The following UNC5D variants were observed in gnomAD, a reference collection of about 807,000 sequenced individuals.
UNC5D encodes netrin receptor UNC5D.
In UNC5D, 39 loss-of-function variants were observed where a neutral mutation model predicts 105.4. The observed-to-expected ratio is 0.37, with a 90% CI of 0.29 to 0.48. The LOEUF (loss-of-function observed/expected upper bound fraction) is 0.48. Ranked by LOEUF, UNC5D falls within the 20% of genes least tolerant of loss-of-function variation. The pLI is 0.98. For missense variants in UNC5D, 991 were observed against 1,202.4 expected (o/e 0.82, Z 2.60); for synonymous variants, 452 against 450.4 (o/e 1.00, Z -0.04).
At chr8:35,471,054 A>T (rs1260169646) in intron 1 of UNC5D, among the ~76,000 whole-genome samples, 1 of 152,094 alleles carries the variant, frequency 6.6e-6, no homozygotes, top group African/African-American at 2.4e-5. Flanking sequence ...CTCAAACCTG[A>T]CTTCTCAGTT....
At chr8:35,440,912 A>G (rs1255677584) in intron 1 of UNC5D, among the ~76,000 whole-genome samples, 2 of 151,988 alleles carry the variant, frequency 1.3e-5, no homozygotes, top group Non-Finnish European at 2.9e-5. Flanking sequence ...ATGAAAGACT[A>G]TACATGTTCT....
intron 1 of UNC5D, among the ~76,000 whole-genome samples, chr8:35,348,753 A>G (rs1811987047): frequency 2.0e-5 from 3 of 151,866 alleles, no homozygotes; most frequent in Non-Finnish European, 4.4e-5. Flanking sequence ...GAAGATGTAT[A>G]TATCCTGGAC....
At chr8:35,552,197 G>A (rs915223085) in intron 2 of UNC5D, among the ~76,000 whole-genome samples, 1 of 151,916 alleles carries the variant, frequency 6.6e-6, no homozygotes, top group African/African-American at 2.4e-5. Context: ...TAAGAACTGG[G>A]AGAGAGAGAG....
chr8:35,539,032 A>T (rs1815078619), intron 1 of UNC5D, among the ~76,000 whole-genome samples: 1 of 152,120 alleles, frequency 6.6e-6, no homozygotes, highest in Admixed American at 6.6e-5. Context: ...GATATAACTA[A>T]ATGTTCAATA....
intron 1 of UNC5D, among the ~76,000 whole-genome samples, chr8:35,382,311 T>G (rs994741334): frequency 6.6e-6 from 1 of 152,216 alleles, no homozygotes; most frequent in Non-Finnish European, 1.5e-5. Flanking sequence ...GCCAGACAAC[T>G]GTATTTCTTA....
intron 1 of UNC5D, among the ~76,000 whole-genome samples, chr8:35,429,361 G>C (rs1442968792): frequency 6.6e-6 from 1 of 151,352 alleles, no homozygotes; most frequent in Non-Finnish European, 1.5e-5. Context: ...TCTTTTTCCT[G>C]TATAGGCATT....
At chr8:35,444,739 C>G (rs770151044) in intron 1 of UNC5D, among the ~76,000 whole-genome samples, 63 of 151,970 alleles carry the variant, frequency 4.1e-4, no homozygotes, top group Non-Finnish European at 7.1e-4. Flanking sequence ...TCCTAGGTTT[C>G]TATTATTTCA....
At chr8:35,282,802 G>T (rs564938458) in intron 1 of UNC5D, among the ~76,000 whole-genome samples, 22 of 151,356 alleles carry the variant, frequency 1.5e-4, no homozygotes, top group Non-Finnish European at 2.6e-4. Context: ...TCAGCTAACG[G>T]AAAGTCAGCT....
At chr8:35,684,263 G>T (rs1435572023) in intron 5 of UNC5D, among the ~76,000 whole-genome samples, 1 of 152,228 alleles carries the variant, frequency 6.6e-6, no homozygotes, top group South Asian at 2.1e-4. Flanking sequence ...TAAAGTCATA[G>T]AAATTCAAAT....
Position 35,789,172 on chromosome 8 carries a change from T to TC in UNC5D, c.2658-1187_2658-1186insC, listed in dbSNP as rs1802905233. On this transcript the variant is annotated intron_variant, in intron 16 of 16. Coordinates refer to ENST00000404895, the MANE Select transcript of UNC5D (RefSeq NM_080872.4). ...ATATATATATATATATATATATATA[T>TC]ATATATATATATATATGAGATAGGG... 8.4e-5 allele frequency among the ~76,000 whole-genome samples: 8 copies of TC among 95,616 alleles called. 1 individual carries two copies. In the South Asian group the frequency reaches 2.6e-3, roughly 31 times the overall value. 62.7% of individuals were successfully genotyped at this position (95,616 alleles called of 152,430 possible).
intron 4 of UNC5D, among the ~76,000 whole-genome samples, chr8:35,623,201 G>C (rs1821465517): frequency 6.6e-6 from 1 of 152,010 alleles, no homozygotes; most frequent in Admixed American, 6.6e-5. Flanking sequence ...CTCTGCCACG[G>C]CTATCAGACC....
intron 1 of UNC5D, among the ~76,000 whole-genome samples, chr8:35,481,383 G>A (rs1220761477): frequency 6.6e-6 from 1 of 152,094 alleles, no homozygotes; most frequent in African/African-American, 2.4e-5. Context: ...TGGTGGCGGA[G>A]TAAGATCCTG....
intron 4 of UNC5D, among the ~76,000 whole-genome samples, chr8:35,602,114 A>C (rs187078658): frequency 1.3e-5 from 2 of 152,204 alleles, no homozygotes; most frequent in Non-Finnish European, 2.9e-5. Context: ...TGATTTTCGT[A>C]TGTTGAACCA....
chr8:35,374,198 G>T (rs906449671), intron 1 of UNC5D, among the ~76,000 whole-genome samples: 3 of 152,144 alleles, frequency 2.0e-5, no homozygotes, highest in African/African-American at 7.2e-5. Context: ...TTGCTGTTTA[G>T]TGCAAGATGT....
intron 4 of UNC5D, among the ~76,000 whole-genome samples, chr8:35,616,800 G>A (rs533136109): frequency 1.1e-4 from 17 of 152,288 alleles, no homozygotes; most frequent in African/African-American, 2.9e-4. Flanking sequence ...GAGAGAAGGC[G>A]ATTTGGAGGA....
chr8:35,642,056 C>A (rs1460552004), intron 4 of UNC5D, among the ~76,000 whole-genome samples: 1 of 152,094 alleles, frequency 6.6e-6, no homozygotes, highest in Admixed American at 6.6e-5. Flanking sequence ...TAGTGTGAGA[C>A]TTGGAACCTC....
intron 4 of UNC5D, among the ~76,000 whole-genome samples, chr8:35,680,708 T>G (rs1211873187): frequency 6.6e-6 from 1 of 152,184 alleles, no homozygotes; most frequent in African/African-American, 2.4e-5. Context: ...AGGGCAGCTT[T>G]TCTTGATTTC....
chr8:35,774,517 G>C, intron 16 of UNC5D, 40 bp downstream of exon 16: 1 of 1,606,822 alleles, frequency 6.2e-7, no homozygotes. Context: ...GTTACTAAGA[G>C]AACTTGGAAA....
rs184999107 is a variant in UNC5D at position 35,353,152 on chromosome 8, T to C, written c.103+117265T>C. On this transcript the variant is annotated intron_variant, in intron 1 of 16. Transcript: ENST00000404895. ...GAACTTAGGAAAATAATTTTTCAAA[T>C]TCCTATTACAGCCAAAGGGCTAATA... 5.3e-4 allele frequency among the ~76,000 whole-genome samples: 80 copies of C among 152,288 alleles called. 1 individual carries two copies. Among genetic ancestry groups the C allele is most frequent in the African/African-American group, 1.8e-3 (74 of 41,580 alleles).
Sources: gnomAD v4.1 joint callset for allele counts (sites outside exome capture counted in the v4.1 genomes callset) on GRCh38, gnomAD v4.1.1 for gene constraint, MANE v1.5 for transcripts, NCBI Gene and HGNC (gene_info 2026-07-23, HGNC 2026-07-21) for gene names.